The following NEK6 variants were observed in gnomAD, a reference collection of about 807,000 sequenced individuals.
NEK6 encodes the protein NIMA related kinase 6, also known as serine/threonine-protein kinase Nek6.
A neutral mutation model predicts 43.5 loss-of-function variants in NEK6; 27 were observed. That is an observed-to-expected ratio of 0.62 (90% CI 0.46 to 0.86). The LOEUF is 0.86. Among genes scored for constraint, NEK6 ranks in the 40% least tolerant of loss-of-function variants. NEK6 has a pLI of 0.00. For missense variants in NEK6, 318 were observed against 414.4 expected (o/e 0.77, Z 2.02); for synonymous variants, 167 against 164.1 (o/e 1.02, Z -0.14).
chr9:124,333,719 G>C (rs935826570), intron 7 of NEK6, among the ~76,000 whole-genome samples: 4 of 150,470 alleles, frequency 2.7e-5, no homozygotes, highest in African/African-American at 9.8e-5. Context: ...TGGAGATCCA[G>C]ATTTCTAACC....
At chr9:124,294,191 C>T (rs1263900533) in intron 1 of NEK6, among the ~76,000 whole-genome samples, 2 of 152,176 alleles carry the variant, frequency 1.3e-5, no homozygotes, top group Non-Finnish European at 1.5e-5. Flanking sequence ...CATGGCGAAA[C>T]CCCGTCTCTA....
In NEK6 at chr9:124,333,773, C is replaced by CTTTTT. The variant is rs148074227; in HGVS notation, c.623-5780_623-5776dup. Among the ~76,000 whole-genome samples the CTTTTT allele has an allele frequency of 2.3e-3, 281 of 119,984 alleles. 4 individuals carry two copies. Among genetic ancestry groups the CTTTTT allele is most frequent in the African/African-American group, 8.3e-3 (265 of 32,016 alleles). The allele number at this position is 119,984 out of a possible 152,430, so 78.7% of individuals were successfully genotyped here. On this transcript the variant is annotated intron_variant, in intron 7 of 9. Coordinates refer to ENST00000320246, the MANE Select transcript of NEK6 (RefSeq NM_014397.6). ...AGCTGCAGCATGGATCATTTCAGTC[C>CTTTTT]TTTTTTTTTTTTTTTTTTTTTTGAG...
At chr9:124,321,387 C>T (rs971591812) in intron 4 of NEK6, 72 bp from the exon 5 acceptor site, 44 of 946,604 alleles carry the variant, frequency 4.6e-5, no homozygotes, top group Non-Finnish European at 6.7e-5. Context: ...AGCAGGGTGC[C>T]GGTGGCAGGC....
intron 4 of NEK6, among the ~76,000 whole-genome samples, chr9:124,318,451 G>A (rs939523700): frequency 2.6e-5 from 4 of 152,046 alleles, no homozygotes; most frequent in Non-Finnish European, 4.4e-5. Context: ...TGCCCAGGCT[G>A]TTCTCAAACT....
intron 1 of NEK6, among the ~76,000 whole-genome samples, chr9:124,280,698 C>T (rs780081556): frequency 9.9e-5 from 15 of 152,234 alleles, no homozygotes; most frequent in African/African-American, 2.7e-4. Context: ...TGGCTAGGCA[C>T]GGGTTTATGA....
In NEK6 at chr9:124,312,508, G is replaced by T; in HGVS notation, c.91-1G>T. 6.2e-7 allele frequency: 1 copy of T among 1,613,328 alleles called. No individual in the cohort carries two copies. ...CGGAGGCCCTCTGTCCCCCGTTCCA[G>T]AGGCATCCCAACACGCTGTCTTTTC... is the stretch of plus-strand genomic sequence containing the variant. On this transcript the variant is annotated splice_acceptor_variant, in intron 2 of 9. Transcript: ENST00000320246. LOFTEE classifies it high-confidence loss of function.
intron 8 of NEK6, among the ~76,000 whole-genome samples, chr9:124,346,466 G>A (rs1350310748): frequency 2.0e-5 from 3 of 152,170 alleles, no homozygotes; most frequent in South Asian, 4.1e-4. Flanking sequence ...CTCGGTAGGC[G>A]CCCAGGAGCC....
chr9:124,347,568 C>T (rs1047158897), intron 8 of NEK6, 141 bp from the exon 9 acceptor site: 2 of 538,134 alleles, frequency 3.7e-6, no homozygotes, highest in South Asian at 3.2e-5. Flanking sequence ...CTCGGTGATT[C>T]GGGGGAGAAG....
intron 2 of NEK6, among the ~76,000 whole-genome samples, chr9:124,312,001 A>C (rs919271017): frequency 7.9e-5 from 12 of 152,212 alleles, no homozygotes; most frequent in African/African-American, 2.9e-4. Context: ...TATGAATATT[A>C]ACCTTGGTTT....
chr9:124,262,227 GA>G lies in NEK6; in HGVS notation c.-30+4150del, dbSNP rs1030267657. ...TTTGGGGAAAATGTTAGTTTAAAAA[GA>G]AAAAAAATCAGGCCAGCACTTTCAC... is the stretch of plus-strand genomic sequence containing the variant. On this transcript the variant is annotated intron_variant, in intron 1 of 9. Transcript: ENST00000320246. Among the ~76,000 whole-genome samples the G allele has an allele frequency of 3.8e-4, 58 of 151,980 alleles. 1 individual carries two copies. The highest frequency in any genetic ancestry group is 3.0e-3 in the Admixed American group (46 of 15,276).
intron 8 of NEK6, among the ~76,000 whole-genome samples, chr9:124,340,404 C>T (rs1323454739): frequency 6.6e-6 from 1 of 152,192 alleles, no homozygotes; most frequent in African/African-American, 2.4e-5. Flanking sequence ...CTCCGGTGTC[C>T]AGGTTGGCAG....
intron 4 of NEK6, among the ~76,000 whole-genome samples, chr9:124,318,749 G>T (rs1000800470): frequency 3.3e-5 from 5 of 152,070 alleles, no homozygotes; most frequent in Admixed American, 1.3e-4. Context: ...TTGGCTCACT[G>T]CAACCACCGT....
chr9:124,328,790 C>G (rs890463892), intron 7 of NEK6, among the ~76,000 whole-genome samples: 6 of 152,238 alleles, frequency 3.9e-5, no homozygotes, highest in Non-Finnish European at 8.8e-5. Context: ...CTCCCAGCAG[C>G]TGATGGAGCC....
chr9:124,349,087 G>C (rs1830116376), intron 9 of NEK6, among the ~76,000 whole-genome samples: 8 of 152,248 alleles, frequency 5.3e-5, no homozygotes, highest in Admixed American at 5.2e-4. Context: ...TCCTCGCAGG[G>C]CACCTGTGCT....
At chr9:124,301,492 GACCCAGGCCTTTCTCTTCTGAGC>G (rs1832973038) in intron 1 of NEK6, among the ~76,000 whole-genome samples, 2 of 152,200 alleles carry the variant, frequency 1.3e-5, no homozygotes, top group African/African-American at 4.8e-5. Flanking sequence ...TCTGCAGCCT[GACCCAGGCCTTTCTCTTCTGAGC>G]ACCCAGGCTG....
At chr9:124,321,670 C>T in intron 5 of NEK6, 101 bp downstream of exon 5, 1 of 781,818 alleles carries the variant, frequency 1.3e-6, no homozygotes, top group South Asian at 1.6e-5. Flanking sequence ...TGCCTTTAGC[C>T]AGAGGCGGCC....
rs533575799 is a variant in NEK6, at chr9:124,319,310, T to C, written c.295-2149T>C. 7.1e-3 allele frequency among the ~76,000 whole-genome samples: 925 copies of C among 130,620 alleles called. 7 individuals are homozygous for C. The highest frequency in any genetic ancestry group is 0.01 in the Non-Finnish European group (651 of 63,918). 85.7% of individuals were successfully genotyped at this position (130,620 alleles called of 152,430 possible). A position where few individuals can be genotyped will look rare whatever the true frequency, so the allele number is the denominator to read the frequency against. Reference sequence around the variant, plus strand: ...CCTCTGCTCACTTTTTAATGTTTTGTTTTTTTTTATTGATTTAAGTTCCTT... The same window carrying C: ...CCTCTGCTCACTTTTTAATGTTTTGCTTTTTTTTATTGATTTAAGTTCCTT... On this transcript the variant is annotated intron_variant, in intron 4 of 9. Transcript: ENST00000320246.
chr9:124,308,744 G>A (rs1833390665), intron 2 of NEK6, among the ~76,000 whole-genome samples: 1 of 151,824 alleles, frequency 6.6e-6, no homozygotes, highest in Non-Finnish European at 1.5e-5. Flanking sequence ...GGGCCACCCT[G>A]GGCGCACTGT....
Position 124,326,097 on chromosome 9 carries a change from C to T in NEK6, c.406-233C>T, listed in dbSNP as rs948800757. Among the ~76,000 whole-genome samples the T allele has an allele frequency of 6.6e-6, 1 of 152,224 alleles. No homozygotes were observed. Among genetic ancestry groups the T allele is most frequent in the Non-Finnish European group, 1.5e-5 (1 of 68,030 alleles). ...CCAGGCCTGCCTGGCCCTCACGGAG[C>T]TTGCTGGGTTGGGACAGGGTGGCTG... On this transcript the variant is annotated intron_variant, in intron 5 of 9. Transcript: ENST00000320246. This position sits in a 1 kb window ranked among gnomAD's most constrained non-coding sequence, Gnocchi z 4.5.
Sources: gnomAD v4.1 joint callset for allele counts (sites outside exome capture counted in the v4.1 genomes callset) on GRCh38, gnomAD v4.1.1 for gene constraint, Gnocchi (gnomAD v3.1) non-coding constraint, MANE v1.5 for transcripts, NCBI Gene and HGNC (gene_info 2026-07-23, HGNC 2026-07-21) for gene names.